The following RBFOX3 variants were observed in gnomAD, a reference collection of about 807,000 sequenced individuals.
RBFOX3 encodes the protein RNA binding protein fox-1 homolog 3.
RBFOX3 carries 17 observed loss-of-function variants against 48.7 expected under a neutral mutation model. That is an observed-to-expected ratio of 0.35 (90% CI 0.24 to 0.52). RBFOX3 has a LOEUF of 0.52. Ranked by LOEUF, RBFOX3 falls within the 20% of genes least tolerant of loss-of-function variation. The pLI is 0.94. For missense variants in RBFOX3, 382 were observed against 497.5 expected, an observed-to-expected ratio of 0.77 and a Z score of 2.21; for synonymous variants, 212 against 209.5, an observed-to-expected ratio of 1.01 and a Z score of -0.10.
chr17:79,616,400 G>C, the RBFOX3 span, among the ~76,000 whole-genome samples: 1 of 152,064 alleles, frequency 6.6e-6, no homozygotes, highest in South Asian at 2.1e-4. Context: ...GCCGGGCGAA[G>C]TGGAGGGCAC....
At chr17:79,200,890 C>T (rs529988438) in intron 4 of RBFOX3, among the ~76,000 whole-genome samples, 2 of 152,040 alleles carry the variant, frequency 1.3e-5, no homozygotes, top group Non-Finnish European at 2.9e-5. Flanking sequence ...CCTTTCACCC[C>T]CTCCTGCGTC....
At position 79,488,213 on chromosome 17, in the gene RBFOX3, C is replaced by T. The variant is rs1484976388; in HGVS notation, c.-319-5615G>A. On this transcript the variant is annotated intron_variant, in intron 1 of 14. Transcript: ENST00000693108. ...AAGGCCACACTTGGACTTCAGCATG[C>T]AAGGACAGGCTGGGGACATCACCAG... Among the ~76,000 whole-genome samples, 4 of 152,296 alleles carry T rather than the reference C, an allele frequency of 2.6e-5. No homozygotes were observed. The East Asian group carries it at 7.7e-4, about 29-fold the overall frequency.
At chr17:79,365,019 T>C (rs567332732) in intron 2 of RBFOX3, among the ~76,000 whole-genome samples, 66 of 152,240 alleles carry the variant, frequency 4.3e-4, no homozygotes, top group African/African-American at 1.5e-3. Flanking sequence ...TGGGCCAGTC[T>C]TGGACACATT....
intron 2 of RBFOX3, among the ~76,000 whole-genome samples, chr17:79,338,417 T>C (rs1413274220): frequency 6.6e-6 from 1 of 152,136 alleles, no homozygotes; most frequent in African/African-American, 2.4e-5. Context: ...TCTATGACTG[T>C]AGTTTGTGAA....
chr17:79,608,896 G>A (rs991299711), intron 1 of RBFOX3, among the ~76,000 whole-genome samples: 1 of 152,098 alleles, frequency 6.6e-6, no homozygotes, highest in South Asian at 2.1e-4. Context: ...AAGGCGCGCC[G>A]GGATGGTTCT....
At chr17:79,281,381 T>C (rs916940331) in intron 3 of RBFOX3, among the ~76,000 whole-genome samples, 1 of 151,654 alleles carries the variant, frequency 6.6e-6, no homozygotes, top group Non-Finnish European at 1.5e-5. Context: ...TAGAGAAGAC[T>C]ATCCAGGTGC....
chr17:79,492,455 A>T (rs2149614337), intron 1 of RBFOX3, among the ~76,000 whole-genome samples: 1 of 152,316 alleles, frequency 6.6e-6, no homozygotes, highest in East Asian at 1.9e-4. Flanking sequence ...TCATGAGGAC[A>T]CTCAGGCAGC....
chr17:79,397,493 CAAA>C lies in RBFOX3; in HGVS notation c.-175+84958_-175+84960del, dbSNP rs201344788. Reference sequence around the variant, plus strand: ...GGGCAACAGAGGAGGACTCCATCCCCAAAAAAAAAAAAAAAGTGCGACCCCCAC... The same window carrying C: ...GGGCAACAGAGGAGGACTCCATCCCCAAAAAAAAAAAAGTGCGACCCCCAC... On this transcript the variant is annotated intron_variant, in intron 2 of 14. Transcript: ENST00000693108. Among the ~76,000 whole-genome samples the C allele has an allele frequency of 6.7e-3, 803 of 119,692 alleles. 14 individuals are homozygous for C. Among genetic ancestry groups the C allele is most frequent in the African/African-American group, 0.014 (506 of 35,360 alleles). The allele number at this position is 119,692 out of a possible 152,430, so 78.5% of individuals were successfully genotyped here.
intron 2 of RBFOX3, among the ~76,000 whole-genome samples, chr17:79,365,455 C>A (rs1199339022): frequency 6.6e-6 from 1 of 152,256 alleles, no homozygotes; most frequent in Non-Finnish European, 1.5e-5. Context: ...CCTGTGATAA[C>A]ACTTTATTTT....
intron 5 of RBFOX3, among the ~76,000 whole-genome samples, chr17:79,115,224 C>A (rs2033544086): frequency 6.6e-6 from 1 of 152,208 alleles, no homozygotes. Flanking sequence ...TGGCTGCCAC[C>A]CCACCCCTAG....
chr17:79,562,305 G>T lies in RBFOX3; in HGVS notation c.-320+48521C>A, dbSNP rs1387237825. Among the ~76,000 whole-genome samples, 11 of 152,248 alleles carry T rather than the reference G, an allele frequency of 7.2e-5. No homozygotes were observed. The East Asian group carries it at 2.1e-3, about 29-fold the overall frequency. ...CACACACGGAGCTGAGTGCCTCTAG[G>T]GCCAGAGTCCTGTGGCTCTCTCCGC... On this transcript the variant is annotated intron_variant, in intron 1 of 14. Coordinates refer to ENST00000693108, the MANE Select transcript of RBFOX3 (RefSeq NM_001350451.2).
chr17:79,125,729 C>T (rs897797727), intron 4 of RBFOX3, among the ~76,000 whole-genome samples: 5 of 152,218 alleles, frequency 3.3e-5, no homozygotes, highest in Admixed American at 1.3e-4. Context: ...GCGGGAAGGG[C>T]GCCGCGTGGC....
intron 4 of RBFOX3, among the ~76,000 whole-genome samples, chr17:79,153,666 C>T (rs866973116): frequency 5.9e-5 from 9 of 152,192 alleles, no homozygotes; most frequent in South Asian, 4.1e-4. Flanking sequence ...ACTTGCTGCA[C>T]GGACATTATA....
rs955151589 is a variant in RBFOX3, at chr17:79,258,918, C to T, written c.-73-23113G>A. ...TACTCGATGCCATGTCGAAAGGCGC[C>T]GTCCCAGCAAGTCTGGCCCCAAAGC... On this transcript the variant is annotated intron_variant, in intron 3 of 14. Transcript: ENST00000693108. Among the ~76,000 whole-genome samples, 19 of 152,334 alleles carry T rather than the reference C, an allele frequency of 1.2e-4. 1 individual carries two copies. The East Asian group carries it at 2.7e-3, about 22-fold the overall frequency.
At chr17:79,495,158 AGGT>A (rs1261111691) in intron 1 of RBFOX3, among the ~76,000 whole-genome samples, 1 of 151,608 alleles carries the variant, frequency 6.6e-6, no homozygotes, top group Non-Finnish European at 1.5e-5. Context: ...GGATCTCCAC[AGGT>A]GAGTTACCTG....
chr17:79,435,050 G>T (rs1048550205), intron 2 of RBFOX3, among the ~76,000 whole-genome samples: 2 of 152,218 alleles, frequency 1.3e-5, no homozygotes, highest in Admixed American at 6.5e-5. Flanking sequence ...AAAACAAAAA[G>T]ACATGATTTT....
the RBFOX3 span, among the ~76,000 whole-genome samples, chr17:79,640,810 G>T: frequency 6.6e-6 from 1 of 152,122 alleles, no homozygotes; most frequent in East Asian, 1.9e-4. Context: ...AACTTAAAAT[G>T]GATTAAAGAC....
intron 1 of RBFOX3, among the ~76,000 whole-genome samples, chr17:79,490,182 A>T (rs1351628298): frequency 6.6e-6 from 1 of 152,196 alleles, no homozygotes; most frequent in East Asian, 1.9e-4. Context: ...TGACAATTTT[A>T]CTGTAGCTAT....
At chr17:79,194,867 T>G (rs1251467667) in intron 4 of RBFOX3, among the ~76,000 whole-genome samples, 1 of 152,008 alleles carries the variant, frequency 6.6e-6, no homozygotes, top group African/African-American at 2.4e-5. Flanking sequence ...AATGATCATA[T>G]TCAGGTATAT....
Sources: gnomAD v4.1 joint callset for allele counts (sites outside exome capture counted in the v4.1 genomes callset) on GRCh38, gnomAD v4.1.1 for gene constraint, MANE v1.5 for transcripts, NCBI Gene and HGNC (gene_info 2026-07-23, HGNC 2026-07-21) for gene names.